Variants in RPS6KC1 observed in about 807,000 individuals in gnomAD.
RPS6KC1 encodes ribosomal protein S6 kinase C1.
In RPS6KC1, 54 loss-of-function variants were observed where a neutral mutation model predicts 103.8. The observed-to-expected ratio is 0.52, with a 90% confidence interval of 0.42 to 0.65. The LOEUF (loss-of-function observed/expected upper bound fraction) is 0.65, where lower values mean the gene tolerates loss of function less well. Among genes scored for constraint, RPS6KC1 ranks in the 30% least tolerant of loss-of-function variants. The pLI is 0.00. For missense variants in RPS6KC1, 1,151 were observed against 1,253.8 expected (o/e 0.92, Z 1.24); for synonymous variants, 439 against 438.7 (o/e 1.00, Z -0.01).
chr1:213,362,407 G>A, the RPS6KC1 span, among the ~76,000 whole-genome samples: 6 of 152,112 alleles, frequency 3.9e-5, no homozygotes, highest in African/African-American at 9.7e-5. Flanking sequence ...TGCTTTACCC[G>A]ATTTACTCTT....
chr1:213,291,923 A>G, the RPS6KC1 span, among the ~76,000 whole-genome samples: 2 of 152,154 alleles, frequency 1.3e-5, no homozygotes, highest in South Asian at 2.1e-4. Flanking sequence ...TAATTTTTGT[A>G]TAAGGTGTAA....
At chr1:213,649,410 A>C in the RPS6KC1 span, among the ~76,000 whole-genome samples, 1 of 151,840 alleles carries the variant, frequency 6.6e-6, no homozygotes. Flanking sequence ...CTCCAGCCTC[A>C]GTCTCTCCTC....
the RPS6KC1 span, among the ~76,000 whole-genome samples, chr1:213,418,477 G>A: frequency 6.6e-6 from 1 of 152,128 alleles, no homozygotes; most frequent in East Asian, 1.9e-4. Flanking sequence ...AGCACTGGGC[G>A]GCAGCTGACT....
the RPS6KC1 span, among the ~76,000 whole-genome samples, chr1:213,413,641 A>G: frequency 6.6e-6 from 1 of 152,194 alleles, no homozygotes; most frequent in Non-Finnish European, 1.5e-5. Flanking sequence ...TCCTTATAAC[A>G]TGGCAGCTGA....
the RPS6KC1 span, among the ~76,000 whole-genome samples, chr1:213,624,291 G>A: frequency 9.2e-5 from 14 of 152,316 alleles, no homozygotes; most frequent in African/African-American, 2.6e-4. Flanking sequence ...AGGTCATTTC[G>A]TGTTTGGAGT....
In RPS6KC1 at chr1:213,071,052, T is replaced by C. The variant is rs763495217; in HGVS notation, c.141+11T>C. On this transcript the variant is annotated intron_variant, in intron 2 of 14. Transcript: ENST00000366960. ...GAGGATGTCCAGGAGGTAACATTTATATGAAGATTTTATTTTATGTATTTG... is the reference window on the plus strand; with the variant it reads ...GAGGATGTCCAGGAGGTAACATTTACATGAAGATTTTATTTTATGTATTTG... 6.0e-6 allele frequency: 9 copies of C among 1,496,630 alleles called. No individual in the cohort carries two copies. The African/African-American group carries it at 8.5e-5, about 14-fold the overall frequency. 92.7% of individuals were successfully genotyped at this position (1,496,630 alleles called of 1,614,324 possible). A position where few individuals can be genotyped will look rare whatever the true frequency, so the allele number is the denominator to read the frequency against.
At chr1:213,321,555 A>G in the RPS6KC1 span, among the ~76,000 whole-genome samples, 2 of 151,616 alleles carry the variant, frequency 1.3e-5, no homozygotes, top group South Asian at 4.2e-4. Flanking sequence ...GCTGGCAGAG[A>G]GTGATCCTTT....
the RPS6KC1 span, among the ~76,000 whole-genome samples, chr1:213,703,712 GTA>G: frequency 6.6e-6 from 1 of 152,058 alleles, no homozygotes; most frequent in East Asian, 1.9e-4. Context: ...CTGCTCCATT[GTA>G]TGTTATTTGT....
At chr1:213,361,735 C>A in the RPS6KC1 span, among the ~76,000 whole-genome samples, 1 of 152,208 alleles carries the variant, frequency 6.6e-6, no homozygotes, top group Non-Finnish European at 1.5e-5. Flanking sequence ...TAAAGATGCC[C>A]CAGTTTACAA....
chr1:213,771,950 G>A, the RPS6KC1 span, among the ~76,000 whole-genome samples: 6 of 152,088 alleles, frequency 3.9e-5, no homozygotes, highest in African/African-American at 1.2e-4. Context: ...CGGGCGTGGG[G>A]GTCGCTTTCT....
At chr1:213,840,045 CT>C in the RPS6KC1 span, 3 of 152,252 alleles carry the variant, frequency 2.0e-5, no homozygotes, top group African/African-American at 7.2e-5. Flanking sequence ...GACTAAGCAA[CT>C]CCTGTTGCCA....
chr1:213,164,358 A>G (rs1025598770), intron 6 of RPS6KC1, among the ~76,000 whole-genome samples: 1 of 152,160 alleles, frequency 6.6e-6, no homozygotes, highest in African/African-American at 2.4e-5. Context: ...TGTAAATTTC[A>G]TCAACAACTT....
chr1:213,112,471 T>TA (rs1371715329), intron 4 of RPS6KC1, among the ~76,000 whole-genome samples: 2 of 152,004 alleles, frequency 1.3e-5, no homozygotes, highest in Non-Finnish European at 2.9e-5. Context: ...TTTATATCTT[T>TA]AAAAAATATC....
chr1:213,397,588 TACACACAC>T, the RPS6KC1 span, among the ~76,000 whole-genome samples: 727 of 140,440 alleles, frequency 5.2e-3, 27 homozygotes, highest in Admixed American at 0.043. Context: ...CAGGAACACA[TACACACAC>T]ACACACACAC....
chr1:213,471,523 A>G, the RPS6KC1 span, among the ~76,000 whole-genome samples: 1 of 152,042 alleles, frequency 6.6e-6, no homozygotes, highest in Admixed American at 6.6e-5. Flanking sequence ...TTTCCCCTCC[A>G]CCTTCTCCTA....
At chr1:213,311,516 C>G in the RPS6KC1 span, among the ~76,000 whole-genome samples, 133,688 of 152,066 alleles carry the variant, frequency 0.88, 59,436 homozygotes, top group Non-Finnish European at 0.95. Flanking sequence ...TGCATTGTGG[C>G]CAGAAGGGAG....
At chr1:213,841,478 G>C in the RPS6KC1 span, 3 of 152,248 alleles carry the variant, frequency 2.0e-5, no homozygotes, top group South Asian at 6.2e-4. Context: ...AAAACGTGAA[G>C]CGTTCTGACA....
chr1:213,630,573 T>C, the RPS6KC1 span, among the ~76,000 whole-genome samples: 130 of 152,364 alleles, frequency 8.5e-4, no homozygotes, highest in African/African-American at 3.0e-3. Context: ...CCTTCTTCTC[T>C]CAACTCGTCA....
At chr1:213,573,807 T>C in the RPS6KC1 span, among the ~76,000 whole-genome samples, 3 of 152,164 alleles carry the variant, frequency 2.0e-5, no homozygotes, top group Non-Finnish European at 4.4e-5. Flanking sequence ...CAATAGATTG[T>C]ATGAAGAACC....
Sources: gnomAD v4.1 joint callset for allele counts (sites outside exome capture counted in the v4.1 genomes callset) on GRCh38, gnomAD v4.1.1 for gene constraint, MANE v1.5 for transcripts, NCBI Gene and HGNC (gene_info 2026-07-23, HGNC 2026-07-21) for gene names.